The following ZDHHC11B variants were observed in gnomAD, a reference collection of about 807,000 sequenced individuals.
The protein encoded by ZDHHC11B is zDHHC palmitoyltransferase 11B (putative).
Under a neutral mutation model 42.3 loss-of-function variants are expected in ZDHHC11B, and 17 were observed. That is an observed-to-expected ratio of 0.40 (90% confidence interval 0.27 to 0.60). ZDHHC11B has a LOEUF of 0.60. Among genes scored for constraint, ZDHHC11B ranks in the 20% least tolerant of loss-of-function variants. The probability of loss-of-function intolerance (pLI) is 0.41; values close to 1 mark genes in which losing one functional copy is unlikely to be tolerated. For missense variants in ZDHHC11B, 262 were observed against 463.2 expected, an observed-to-expected ratio of 0.57 and a Z score of 3.99; for synonymous variants, 123 against 193.5, an observed-to-expected ratio of 0.64 and a Z score of 3.02.
In ZDHHC11B at chr5:766,741, A is replaced by T; in HGVS notation, c.179T>A (p.Phe60Tyr). 6.2e-7 allele frequency: 1 copy of T among 1,612,104 alleles called. No homozygotes were observed. Among genetic ancestry groups the T allele is most frequent in the Middle Eastern group, 1.7e-4 (1 of 6,060 alleles). Residue 60 changes from phenylalanine to tyrosine, a missense_variant, in exon 4 of 14, where the codon TTC (phenylalanine) becomes TAC (tyrosine). Transcript: ENST00000508859. ...VGLSLATFRIFIPLLPHSWKY... is the reference protein window; with the variant it reads ...VGLSLATFRIYIPLLPHSWKY... ...CCACGAGTGAGGCAGGAGGGGAATGAAGATCCTGAAGGTGGCCAAGGAAAG... is the reference window on the plus strand; with the variant it reads ...CCACGAGTGAGGCAGGAGGGGAATGTAGATCCTGAAGGTGGCCAAGGAAAG...
At chr5:721,688 C>T (rs1298707152) in intron 12 of ZDHHC11B, among the ~76,000 whole-genome samples, 5 of 151,678 alleles carry the variant, frequency 3.3e-5, no homozygotes, top group African/African-American at 7.3e-5. Context: ...AAGGGTCTGA[C>T]GTCAGGACAC....
At chr5:724,245 A>G (rs1742396338) in intron 12 of ZDHHC11B, among the ~76,000 whole-genome samples, 1 of 147,214 alleles carries the variant, frequency 6.8e-6, no homozygotes, top group African/African-American at 2.6e-5. Flanking sequence ...TCACTCTGTC[A>G]CCCAGGCTGG....
chr5:719,544 TAGAAGAGTTCAAC>T (rs1381436612), intron 12 of ZDHHC11B, among the ~76,000 whole-genome samples: 2 of 150,972 alleles, frequency 1.3e-5, no homozygotes, highest in Admixed American at 1.3e-4. Flanking sequence ...AAAAGTTCAT[TAGAAGAGTTCAAC>T]AGATCTGAGC....
Position 776,536 on chromosome 5 carries a change from T to TGGCCTCAAACTGCCCACTGGGC in ZDHHC11B, c.-229-7628_-229-7607dup, listed in dbSNP as rs1268301057. On this transcript the variant is annotated intron_variant, in intron 1 of 13. Transcript: ENST00000508859. The stretch of plus-strand genomic sequence containing the variant: ...CTGCTGGGCCCACGCAGTGTGCTCC[T>TGGCCTCAAACTGCCCACTGGGC]GGCCTCAAACTGCCCACTGGGCATT... Among the ~76,000 whole-genome samples the TGGCCTCAAACTGCCCACTGGGC allele has an allele frequency of 1.5e-3, 221 of 151,968 alleles. 2 individuals are homozygous for TGGCCTCAAACTGCCCACTGGGC. Among genetic ancestry groups the TGGCCTCAAACTGCCCACTGGGC allele is most frequent in the African/African-American group, 5.0e-3 (206 of 41,378 alleles).
chr5:759,584 G>C (rs1418241837), intron 4 of ZDHHC11B, among the ~76,000 whole-genome samples: 2 of 151,986 alleles, frequency 1.3e-5, no homozygotes, highest in Non-Finnish European at 2.9e-5. Flanking sequence ...TACAGACGCT[G>C]TGGTGGCGGC....
At chr5:776,034 G>C (rs1736449562) in intron 1 of ZDHHC11B, among the ~76,000 whole-genome samples, 2 of 149,638 alleles carry the variant, frequency 1.3e-5, no homozygotes, top group South Asian at 2.1e-4. Context: ...CGCAGGCTCA[G>C]CTGGGTGTAC....
rs73730924 is a variant in ZDHHC11B, at chr5:717,436, G to A, written c.1059-571C>T. Among the ~76,000 whole-genome samples, 299 of 151,662 alleles carry A rather than the reference G, an allele frequency of 2.0e-3. 4 individuals carry two copies. The highest frequency in any genetic ancestry group is 6.2e-3 in the African/African-American group (254 of 41,150). On this transcript the variant is annotated intron_variant, in intron 12 of 13. Transcript: ENST00000508859. ...AGACTTTCCAGAGGGTTGGGGATCC[G>A]GCTTAAGTTGCAACGCTGAATGTGT... is the stretch of plus-strand genomic sequence containing the variant.
At chr5:784,576 G>A (rs1457382403) in intron 1 of ZDHHC11B, among the ~76,000 whole-genome samples, 92 bp downstream of exon 1, 6 of 152,264 alleles carry the variant, frequency 3.9e-5, no homozygotes, top group Admixed American at 2.0e-4. Context: ...AGGGGCTGCG[G>A]CGCAGGTGGC....
At position 733,774 on chromosome 5, in the gene ZDHHC11B, T is replaced by A. The variant is rs765480161; in HGVS notation, c.1001A>T (p.Gln334Leu). 3 of 1,611,430 alleles carry A rather than the reference T, an allele frequency of 1.9e-6. No homozygotes were observed. Among genetic ancestry groups the A allele is most frequent in the Non-Finnish European group, 2.5e-6 (3 of 1,179,410 alleles). ...TACCTGTGCCTTCGAATCCCCGTCC[T>A]GGTTTACTGAAGTGCAGAAGTGACA... ...CPCHFCTSVNQDGDSKAQEAD... is the reference protein window; with the variant it reads ...CPCHFCTSVNLDGDSKAQEAD... Residue 334 changes from glutamine (Q) to leucine (L), a missense_variant, in exon 11 of 14, where the codon CAG becomes CTG. Gln to Leu is a moderately radical substitution (Grantham distance 113). Around this residue, in one of 5 missense-constraint regions of ZDHHC11B, gnomAD observed 75 missense variants for 70.1 expected, o/e 1.07. Transcript: ENST00000508859.
intron 4 of ZDHHC11B, among the ~76,000 whole-genome samples, chr5:759,293 C>T (rs138152816): frequency 8.6e-5 from 13 of 152,004 alleles, no homozygotes; most frequent in East Asian, 1.9e-4. Flanking sequence ...ACCTTTCCCC[C>T]GCCCTGTTCT....
chr5:732,767 C>T (rs55724150), intron 11 of ZDHHC11B: 49,814 of 341,230 alleles, frequency 0.15, 4,111 homozygotes, highest in Non-Finnish European at 0.19. Flanking sequence ...TGGAGGCTCA[C>T]GCCTCTAATC....
chr5:775,679 G>A (rs577848766), intron 1 of ZDHHC11B, among the ~76,000 whole-genome samples: 1 of 151,978 alleles, frequency 6.6e-6, no homozygotes, highest in East Asian at 1.9e-4. Flanking sequence ...CTGGGTGGGA[G>A]CTGCTCCCTC....
intron 4 of ZDHHC11B, among the ~76,000 whole-genome samples, chr5:759,153 C>T (rs1208969225): frequency 2.0e-5 from 3 of 151,956 alleles, no homozygotes; most frequent in South Asian, 2.1e-4. Context: ...CTGGAAGTTT[C>T]GGTCTCAAGC....
chr5:777,423 C>T (rs953507706), intron 1 of ZDHHC11B, among the ~76,000 whole-genome samples: 4 of 151,550 alleles, frequency 2.6e-5, no homozygotes, highest in Non-Finnish European at 4.4e-5. Context: ...TGCAGACCTT[C>T]GCTGCAGACC....
At chr5:761,062 C>T (rs561278957) in intron 4 of ZDHHC11B, among the ~76,000 whole-genome samples, 2 of 151,962 alleles carry the variant, frequency 1.3e-5, no homozygotes, top group African/African-American at 2.4e-5. Flanking sequence ...CAAGAGACTC[C>T]GTCGCAACAT....
rs1228147915 is a variant in ZDHHC11B at position 748,874 on chromosome 5, CCGGGGT to C, written c.629-321_629-316del. ...GGGCCCACCTCTTCCTCACTAAGTG[CCGGGGT>C]CACAGTGCCCACCCCTTCCTAAGTG... On this transcript the variant is annotated intron_variant, in intron 7 of 13. Transcript: ENST00000508859. Among the ~76,000 whole-genome samples, 82 of 128,664 alleles carry C rather than the reference CCGGGGT, an allele frequency of 6.4e-4. 1 individual carries two copies. The highest frequency in any genetic ancestry group is 1.9e-3 in the African/African-American group (76 of 39,036). 84.4% of individuals were successfully genotyped at this position (128,664 alleles called of 152,430 possible).
chr5:778,776 G>T (rs1456800534), intron 1 of ZDHHC11B, among the ~76,000 whole-genome samples: 1 of 151,818 alleles, frequency 6.6e-6, no homozygotes, highest in Non-Finnish European at 1.5e-5. Context: ...CCTAGAAGAG[G>T]CAGAAGAGAA....
At chr5:770,312 C>T (rs1735902482) in intron 1 of ZDHHC11B, among the ~76,000 whole-genome samples, 1 of 149,962 alleles carries the variant, frequency 6.7e-6, no homozygotes, top group South Asian at 2.1e-4. Flanking sequence ...ATGTCCAGCC[C>T]CGGGCAGAGT....
intron 8 of ZDHHC11B, 113 bp downstream of exon 8, chr5:748,291 G>A: frequency 3.6e-6 from 3 of 831,086 alleles, no homozygotes; most frequent in East Asian, 3.8e-5. Flanking sequence ...CAAAGACTCT[G>A]GCCCCAGGTG....
Sources: allele counts gnomAD v4.1 joint callset (sites outside exome capture counted in the v4.1 genomes callset), GRCh38; gene constraint gnomAD v4.1.1; regional missense constraint gnomAD v4.1.1; transcripts MANE v1.5; gene names NCBI Gene and HGNC (gene_info 2026-07-23, HGNC 2026-07-21).